The following LIMK1 variants were observed in gnomAD, a reference collection of about 807,000 sequenced individuals.
LIMK1 encodes LIM motif-containing protein kinase.
A neutral mutation model predicts 77.6 loss-of-function variants in LIMK1; 21 were observed. The ratio of observed to expected loss-of-function variants is 0.27; its 90% CI spans 0.19 to 0.39. LIMK1 has a LOEUF of 0.39. Among genes scored for constraint, LIMK1 ranks in the 10% least tolerant of loss-of-function variants. The pLI is 1.00. For missense variants in LIMK1, 696 were observed against 901.6 expected (o/e 0.77, Z 2.92); for synonymous variants, 358 against 370.0 (o/e 0.97, Z 0.37).
chr7:74,097,259 C>T, intron 4 of LIMK1, 70 bp downstream of exon 4: 2 of 964,682 alleles, frequency 2.1e-6, no homozygotes, highest in Non-Finnish European at 3.1e-6. Context: ...GGTGCTGACT[C>T]TCCCACACCC....
intron 5 of LIMK1, among the ~76,000 whole-genome samples, chr7:74,101,587 T>C (rs1799459170): frequency 6.6e-6 from 1 of 152,134 alleles, no homozygotes; most frequent in African/African-American, 2.4e-5. Context: ...AGCCAACATC[T>C]GGAACATCCC....
In LIMK1 at chr7:74,120,624, A is replaced by G; in HGVS notation, c.1609A>G (p.Ile537Val). The change falls in exon 14 of 16, where the codon ATC becomes GTC. Residue 537 changes from isoleucine (I) to valine (V), a missense_variant. Physicochemically the swap from Ile to Val is conservative, Grantham distance 29. Around this residue, in one of 3 missense-constraint regions of LIMK1, gnomAD observed 438 missense variants for 602.3 expected, o/e 0.73. Transcript: ENST00000336180. ...GAAGGTGGATGTGTTCTCCTTTGGG[A>G]TCGTCCTGTGCGAGGTAGGTCCAGG... Reference protein sequence around the residue: ...DEKVDVFSFGIVLCEIIGRVN... With the variant: ...DEKVDVFSFGVVLCEIIGRVN... 1 of 1,614,164 alleles carries G rather than the reference A, an allele frequency of 6.2e-7. No individual in the cohort carries two copies. The highest frequency in any genetic ancestry group is 8.5e-7 in the Non-Finnish European group (1 of 1,180,002).
intron 2 of LIMK1, among the ~76,000 whole-genome samples, chr7:74,095,791 C>T (rs782538518): frequency 8.6e-5 from 13 of 152,018 alleles, no homozygotes; most frequent in South Asian, 2.1e-4. Flanking sequence ...GGGAAAAAGC[C>T]GGGAATGTAG....
chr7:74,118,218 T>C (rs1176190756), intron 13 of LIMK1, among the ~76,000 whole-genome samples: 2 of 148,808 alleles, frequency 1.3e-5, no homozygotes, highest in Non-Finnish European at 3.0e-5. Context: ...CTACTAAAAA[T>C]ACAAAAAAAT....
chr7:74,096,563 G>A (rs557119427), intron 2 of LIMK1, 59 bp from the exon 3 acceptor site: 3 of 1,606,904 alleles, frequency 1.9e-6, no homozygotes, highest in Admixed American at 3.4e-5. Flanking sequence ...CGAGGCAGGG[G>A]CCCAGGTGAG....
chr7:74,111,631 T>C lies in LIMK1; in HGVS notation c.1285-17T>C. 6.2e-7 allele frequency: 1 copy of C among 1,609,664 alleles called. No individual in the cohort carries two copies. Among genetic ancestry groups the C allele is most frequent in the Non-Finnish European group, 8.5e-7 (1 of 1,177,946 alleles). On this transcript the variant is annotated splice_polypyrimidine_tract_variant and intron_variant, in intron 10 of 15. Transcript: ENST00000336180. ...GCCCCCACCGGCCCCACCCTGGCCA[T>C]TCTTTCTCCATCCCAGGACAGCCAG...
intron 6 of LIMK1, 42 bp downstream of exon 6, chr7:74,106,022 T>C (rs1799565089): frequency 6.2e-7 from 1 of 1,611,502 alleles, no homozygotes; most frequent in African/African-American, 1.3e-5. Flanking sequence ...AGGTAGTGCC[T>C]TCATGCCTAG....
intron 2 of LIMK1, among the ~76,000 whole-genome samples, chr7:74,091,599 C>A (rs1312464820): frequency 6.6e-6 from 1 of 152,202 alleles, no homozygotes; most frequent in Non-Finnish European, 1.5e-5. Context: ...GGAGTAGAAT[C>A]AGGACTCGAA....
intron 12 of LIMK1, among the ~76,000 whole-genome samples, chr7:74,114,562 A>G (rs1170327247): frequency 2.6e-5 from 4 of 151,382 alleles, no homozygotes; most frequent in African/African-American, 9.7e-5. Context: ...AAAAAAAAAA[A>G]AAAAAAATCA....
intron 5 of LIMK1, among the ~76,000 whole-genome samples, chr7:74,101,143 A>G (rs1292815292): frequency 1.3e-5 from 2 of 152,212 alleles, no homozygotes; most frequent in Non-Finnish European, 2.9e-5. Flanking sequence ...CCCTGGGGAC[A>G]GAAAATTATA....
chr7:74,085,131 G>A (rs1178367712), intron 1 of LIMK1, among the ~76,000 whole-genome samples: 1 of 152,226 alleles, frequency 6.6e-6, no homozygotes, highest in African/African-American at 2.4e-5. Context: ...GGATGACTAA[G>A]CATGCCTGTG....
chr7:74,106,219 G>C lies in LIMK1; in HGVS notation c.857G>C (p.Ser286Thr). ...TATACTCCCAGCGGGGAGGCGGGCAGCTCTGCCCGGCAGAAACCTGTCTTG... is the reference window on the plus strand; with the variant it reads ...TATACTCCCAGCGGGGAGGCGGGCACCTCTGCCCGGCAGAAACCTGTCTTG... The part of the protein sequence containing the change: ...PAYTPSGEAG[S>T]SARQKPVLRS... The change falls in exon 7 of 16, where the codon AGC (serine) becomes ACC (threonine). Residue 286 changes from serine to threonine, a missense_variant. This residue lies in a region of LIMK1 where 438 missense variants were observed against 602.3 expected (regional missense o/e 0.73). Transcript: ENST00000336180. 6.2e-7 allele frequency: 1 copy of C among 1,612,722 alleles called. No individual in the cohort carries two copies. Among genetic ancestry groups the C allele is most frequent in the Non-Finnish European group, 8.5e-7 (1 of 1,179,790 alleles).
At chr7:74,112,093 C>A in intron 12 of LIMK1, 95 bp downstream of exon 12, 1 of 976,586 alleles carries the variant, frequency 1.0e-6, no homozygotes. Flanking sequence ...GAGGCCCCTC[C>A]ATGTTGCCTC....
At chr7:74,095,874 A>C (rs1044401976) in intron 2 of LIMK1, among the ~76,000 whole-genome samples, 10 of 151,230 alleles carry the variant, frequency 6.6e-5, no homozygotes, top group Non-Finnish European at 1.5e-4. Context: ...GGCCCCACCA[A>C]CCAGGCCTCC....
At chr7:74,105,733 G>A (rs1451337816) in intron 5 of LIMK1, 142 bp from the exon 6 acceptor site, 4 of 616,950 alleles carry the variant, frequency 6.5e-6, no homozygotes, top group Admixed American at 2.7e-5. Flanking sequence ...AGAACTCGGT[G>A]TTCTGGCCAT....
chr7:74,111,505 TGTG>T (rs1799697778), intron 10 of LIMK1, 140 bp from the exon 11 acceptor site: 2 of 684,240 alleles, frequency 2.9e-6, no homozygotes, highest in Non-Finnish European at 5.3e-6. Flanking sequence ...AGCAGACAGT[TGTG>T]GGTGCCCGAA....
intron 10 of LIMK1, chr7:74,109,316 C>CA (rs1563921205): frequency 2.4e-6 from 1 of 412,006 alleles, no homozygotes; most frequent in South Asian, 2.2e-5. Context: ...GCTGTGATCT[C>CA]ACCACTGCAC....
At chr7:74,114,551 CA>C (rs547931306) in intron 12 of LIMK1, among the ~76,000 whole-genome samples, 3,189 of 67,202 alleles carry the variant, frequency 0.047, 81 homozygotes, top group African/African-American at 0.13. Flanking sequence ...GACTCTGCCT[CA>C]AAAAAAAAAA....
At chr7:74,115,657 A>AG in intron 12 of LIMK1, 145 bp from the exon 13 acceptor site, 1 of 828,380 alleles carries the variant, frequency 1.2e-6, no homozygotes, top group Non-Finnish European at 1.8e-6. Context: ...TGGGGAAGGA[A>AG]GGGGTCCCCA....
Sources: allele counts gnomAD v4.1 joint callset (sites outside exome capture counted in the v4.1 genomes callset), GRCh38; gene constraint gnomAD v4.1.1; regional missense constraint gnomAD v4.1.1; transcripts MANE v1.5; gene names NCBI Gene and HGNC (gene_info 2026-07-23, HGNC 2026-07-21).